GPC5: variants seen among roughly 807,000 people sequenced by gnomAD.
GPC5 encodes glypican 5.
In GPC5, 47 loss-of-function variants were observed where a neutral mutation model predicts 53.9. That is an observed-to-expected ratio of 0.87 (90% CI 0.69 to 1.11). GPC5 has a LOEUF of 1.11. Ranked by LOEUF, GPC5 falls within the 50% of genes most tolerant of loss-of-function variation. The pLI, the probability that GPC5 is intolerant of heterozygous loss-of-function variation, is 0.00. For missense variants in GPC5, 748 were observed against 713.1 expected, an observed-to-expected ratio of 1.05 and a Z score of -0.56; for synonymous variants, 286 against 263.3, an observed-to-expected ratio of 1.09 and a Z score of -0.84.
intron 6 of GPC5, among the ~76,000 whole-genome samples, chr13:92,123,323 C>T (rs2041666425): frequency 6.6e-6 from 1 of 151,968 alleles, no homozygotes; most frequent in African/African-American, 2.4e-5. Flanking sequence ...AGGAAAGAAA[C>T]TTGCAGCCTG....
intron 7 of GPC5, among the ~76,000 whole-genome samples, chr13:92,614,875 A>C (rs150728653): frequency 1.6e-4 from 25 of 152,362 alleles, no homozygotes; most frequent in African/African-American, 5.8e-4. Context: ...TTGCAGATCT[A>C]GATTTCTCTA....
At chr13:92,549,241 G>GA (rs1486602071) in intron 7 of GPC5, among the ~76,000 whole-genome samples, 2 of 152,062 alleles carry the variant, frequency 1.3e-5, no homozygotes, top group African/African-American at 4.8e-5. Context: ...GAAAAAATAG[G>GA]AAAGGGAACC....
chr13:92,126,105 C>A lies in GPC5; in HGVS notation c.1402-18725C>A, dbSNP rs573910339. On this transcript the variant is annotated intron_variant, in intron 6 of 7. Coordinates refer to ENST00000377067, the MANE Select transcript of GPC5 (RefSeq NM_004466.6). The stretch of plus-strand genomic sequence containing the variant: ...GAGTAGCTGGGATTATAGGCACGTG[C>A]CACCACACCCAGCTAATTTTTGTAT... 5.5e-4 allele frequency among the ~76,000 whole-genome samples: 83 copies of A among 151,580 alleles called. 1 individual carries two copies. The Middle Eastern group carries it at 0.031, about 56-fold the overall frequency.
chr13:92,179,531 A>G (rs1389115472), intron 7 of GPC5, among the ~76,000 whole-genome samples: 1 of 152,206 alleles, frequency 6.6e-6, no homozygotes, highest in African/African-American at 2.4e-5. Flanking sequence ...ACAACTCACT[A>G]TGCTATTGAA....
At chr13:91,664,099 G>T (rs1365368363) in intron 2 of GPC5, among the ~76,000 whole-genome samples, 2 of 152,202 alleles carry the variant, frequency 1.3e-5, no homozygotes, top group Admixed American at 1.3e-4. Flanking sequence ...TTAAGGAATT[G>T]GATGTCTTGA....
chr13:92,057,047 T>G (rs2041080642), intron 6 of GPC5, among the ~76,000 whole-genome samples: 1 of 152,190 alleles, frequency 6.6e-6, no homozygotes. Context: ...TGGGGTCCAT[T>G]GCCCCTTCCC....
At chr13:92,192,947 C>T (rs1010393612) in intron 7 of GPC5, among the ~76,000 whole-genome samples, 1 of 152,058 alleles carries the variant, frequency 6.6e-6, no homozygotes, top group Non-Finnish European at 1.5e-5. Context: ...GAGGTCAAGG[C>T]GGGCGGATCA....
At position 92,144,404 on chromosome 13, in the gene GPC5, A is replaced by G. The variant is rs146512431; in HGVS notation, c.1402-426A>G. Among the ~76,000 whole-genome samples the G allele has an allele frequency of 3.4e-3, 514 of 152,326 alleles. 4 individuals are homozygous for G. Among genetic ancestry groups the G allele is most frequent in the African/African-American group, 0.011 (449 of 41,586 alleles). ...TCTTTAGACAGAATCATTTTCTGGA[A>G]GAGTCGTACTTCTTCAGAAATACGG... On this transcript the variant is annotated intron_variant, in intron 6 of 7. Transcript: ENST00000377067.
intron 6 of GPC5, among the ~76,000 whole-genome samples, chr13:91,979,140 T>C (rs2040334677): frequency 6.6e-6 from 1 of 152,064 alleles, no homozygotes; most frequent in African/African-American, 2.4e-5. Context: ...CAAGCAGAGA[T>C]ACCAAACAGG....
rs59525019 is a variant in GPC5 at position 92,698,310 on chromosome 13, G to A, written c.1562-167972G>A. The stretch of plus-strand genomic sequence containing the variant: ...TAGGTGTATCTCCTAATGCTATCCC[G>A]CCCCTCTCTCCCCACCCCACAACAG... On this transcript the variant is annotated intron_variant, in intron 7 of 7. Coordinates refer to ENST00000377067, the MANE Select transcript of GPC5 (RefSeq NM_004466.6). Among the ~76,000 whole-genome samples the A allele has an allele frequency of 3.2e-3, 467 of 146,798 alleles. 11 individuals are homozygous for A. In the East Asian group the frequency reaches 0.067, roughly 21 times the overall value.
chr13:91,738,429 T>G (rs1268416300), intron 4 of GPC5, among the ~76,000 whole-genome samples: 2 of 151,264 alleles, frequency 1.3e-5, no homozygotes, highest in South Asian at 2.1e-4. Context: ...TACCTTTTTT[T>G]GGGTGTAGGC....
intron 7 of GPC5, among the ~76,000 whole-genome samples, chr13:92,376,162 G>GGACA (rs2139300369): frequency 6.6e-6 from 1 of 152,294 alleles, no homozygotes; most frequent in East Asian, 1.9e-4. Context: ...GCTGAATGAA[G>GGACA]GACACAGCCA....
intron 7 of GPC5, among the ~76,000 whole-genome samples, chr13:92,324,961 G>C (rs1004672945): frequency 3.3e-5 from 5 of 151,776 alleles, no homozygotes; most frequent in African/African-American, 1.2e-4. Flanking sequence ...TATAAACTGA[G>C]AGCATGATTA....
intron 7 of GPC5, among the ~76,000 whole-genome samples, chr13:92,708,324 A>G (rs969773244): frequency 6.6e-6 from 1 of 152,176 alleles, no homozygotes; most frequent in Non-Finnish European, 1.5e-5. Context: ...ACTTTAAGTT[A>G]TACTCAAAGG....
At chr13:91,612,821 G>T (rs897405257) in intron 2 of GPC5, among the ~76,000 whole-genome samples, 4 of 151,952 alleles carry the variant, frequency 2.6e-5, no homozygotes, top group African/African-American at 9.7e-5. Flanking sequence ...CCTTAATATT[G>T]TTATTTAGTA....
At chr13:92,489,803 T>A (rs547961737) in intron 7 of GPC5, among the ~76,000 whole-genome samples, 17 of 151,954 alleles carry the variant, frequency 1.1e-4, no homozygotes, top group South Asian at 2.1e-4. Flanking sequence ...AAGGCTTGAT[T>A]CACCTATTCA....
intron 7 of GPC5, among the ~76,000 whole-genome samples, chr13:92,299,782 ATTTC>A (rs1481330305): frequency 6.6e-6 from 1 of 152,158 alleles, no homozygotes; most frequent in African/African-American, 2.4e-5. Context: ...ATCAGTAATG[ATTTC>A]TTTGAGTTTT....
At chr13:92,554,197 C>G (rs981424923) in intron 7 of GPC5, among the ~76,000 whole-genome samples, 1 of 151,824 alleles carries the variant, frequency 6.6e-6, no homozygotes, top group African/African-American at 2.4e-5. Context: ...TTTACAGATT[C>G]ATCAAAATAG....
At chr13:92,280,778 T>C (rs2042908899) in intron 7 of GPC5, among the ~76,000 whole-genome samples, 1 of 152,126 alleles carries the variant, frequency 6.6e-6, no homozygotes, top group Admixed American at 6.6e-5. Context: ...GGTTGCAAGA[T>C]GGCCTAATAG....
Sources: gnomAD v4.1 joint callset for allele counts (sites outside exome capture counted in the v4.1 genomes callset) on GRCh38, gnomAD v4.1.1 for gene constraint, MANE v1.5 for transcripts, NCBI Gene and HGNC (gene_info 2026-07-23, HGNC 2026-07-21) for gene names.